Variants in GOLGA6C observed in about 807,000 individuals in gnomAD.
GOLGA6C encodes the protein golgin A6 family member C.
Under a neutral mutation model 57.5 loss-of-function variants are expected in GOLGA6C, and 3 were observed. That is an observed-to-expected ratio of 0.05 (90% CI 0.02 to 0.13). The LOEUF (loss-of-function observed/expected upper bound fraction) is 0.13. GOLGA6C is among the 10% of genes least tolerant of loss of function. The probability of loss-of-function intolerance (pLI) is 1.00; values close to 1 mark genes in which losing one functional copy is unlikely to be tolerated. For synonymous variants in GOLGA6C, 32 were observed against 203.8 expected (o/e 0.16, Z 7.18); for missense variants, 88 against 525.6 (o/e 0.17, Z 8.14).
Position 75,270,039 on chromosome 15 carries a change from T to G in GOLGA6C, c.1955-33T>G, listed in dbSNP as rs545753546. 1.9e-6 allele frequency: 3 copies of G among 1,601,316 alleles called. No homozygotes were observed. In the African/African-American group the frequency reaches 4.2e-5, roughly 22 times the overall value. The stretch of plus-strand genomic sequence containing the variant: ...AGGCAGGGGCAGGGGAGGCTCGCAC[T>G]GTGCTCAGACCCCCGCCTCCCTCTC... On this transcript the variant is annotated intron_variant, in intron 17 of 17. Coordinates refer to ENST00000300576, the MANE Select transcript of GOLGA6C (RefSeq NM_001164404.2).
Position 75,259,145 on chromosome 15 carries a change from G to A in GOLGA6C, c.84+463G>A, listed in dbSNP as rs1373237751. 1.3e-5 allele frequency among the ~76,000 whole-genome samples: 2 copies of A among 152,068 alleles called. 1 individual carries two copies. Among genetic ancestry groups the A allele is most frequent in the East Asian group, 3.8e-4 (2 of 5,204 alleles). ...CCGACCTCCCTGGGCTCTCTGGGCT[G>A]GCACCTCCAAGGACCTGGGTCCCAG... is the stretch of plus-strand genomic sequence containing the variant. On this transcript the variant is annotated intron_variant, in intron 1 of 17. Coordinates refer to ENST00000300576, the MANE Select transcript of GOLGA6C (RefSeq NM_001164404.2).
At chr15:75,259,519 G>A (rs2070725917) in intron 1 of GOLGA6C, among the ~76,000 whole-genome samples, 1 of 26,764 alleles carries the variant, frequency 3.7e-5, no homozygotes, top group African/African-American at 2.7e-4. Flanking sequence ...ATCTCTGGGT[G>A]GTAATGGGAG....
chr15:75,258,484 A>T lies in GOLGA6C; in HGVS notation c.-115A>T. On this transcript the variant is annotated 5_prime_UTR_variant, in exon 1 of 18. Coordinates refer to ENST00000300576, the MANE Select transcript of GOLGA6C (RefSeq NM_001164404.2). ...TTCCCTTTCATCTTTCTCATTGACCAATGGGATTGGAGCATTAAGGCCACA... is the reference window on the plus strand; with the variant it reads ...TTCCCTTTCATCTTTCTCATTGACCTATGGGATTGGAGCATTAAGGCCACA... The T allele has an allele frequency of 3.9e-6, 1 of 255,202 alleles. No homozygotes were observed. Among genetic ancestry groups the T allele is most frequent in the South Asian group, 2.6e-5 (1 of 38,992 alleles). The allele number at this position is 255,202 out of a possible 1,614,324, so 15.8% of individuals were successfully genotyped here. A position where few individuals can be genotyped will look rare whatever the true frequency, so the allele number is the denominator to read the frequency against.
intron 2 of GOLGA6C, 115 bp downstream of exon 2, chr15:75,260,607 A>T: frequency 1.1e-6 from 1 of 931,556 alleles, no homozygotes; most frequent in Non-Finnish European, 1.6e-6. Context: ...CTGCTTCTTC[A>T]TCTGCTAGCG....
chr15:75,269,811 G>A, intron 16 of GOLGA6C, 21 bp from the exon 17 acceptor site: 2 of 1,085,530 alleles, frequency 1.8e-6, no homozygotes, highest in South Asian at 1.6e-5. Flanking sequence ...CAGGGTGGGA[G>A]CTGAGCACCC....
chr15:75,259,015 C>A (rs2070721647), intron 1 of GOLGA6C, among the ~76,000 whole-genome samples: 2 of 147,854 alleles, frequency 1.4e-5, no homozygotes, highest in East Asian at 4.2e-4. Flanking sequence ...CTGGGTCCCC[C>A]AGCCCCAACC....
rs1305496005 is a variant in GOLGA6C at position 75,258,803 on chromosome 15, G to A, written c.84+121G>A. 1.7e-5 allele frequency: 13 copies of A among 754,718 alleles called. 1 individual carries two copies. The highest frequency in any genetic ancestry group is 1.1e-4 in the East Asian group (4 of 36,812). 46.8% of individuals were successfully genotyped at this position (754,718 alleles called of 1,614,324 possible). A position where few individuals can be genotyped will look rare whatever the true frequency, so the allele number is the denominator to read the frequency against. ...ACACCGGGCTGGGCCCCCCTACCCC[G>A]GCGCCTCTGGGCTCCCCCCACCAAA... On this transcript the variant is annotated intron_variant, in intron 1 of 17. Coordinates refer to ENST00000300576, the MANE Select transcript of GOLGA6C (RefSeq NM_001164404.2).
Position 75,265,150 on chromosome 15 carries a change from A to C in GOLGA6C, c.593A>C (p.Gln198Pro). The C allele has an allele frequency of 1.2e-6, 2 of 1,601,346 alleles. No individual in the cohort carries two copies. The highest frequency in any genetic ancestry group is 1.7e-6 in the Non-Finnish European group (2 of 1,177,150). ...TCGAGCTGCAGAGAAGCGGTCCTCCAGCGGCGGTTACAGCAGACCATAAAG... is the reference window on the plus strand; with the variant it reads ...TCGAGCTGCAGAGAAGCGGTCCTCCCGCGGCGGTTACAGCAGACCATAAAG... ...RSSSCREAVL[Q>P]RRLQQTIKER... Residue 198 changes from glutamine to proline, a missense_variant, in exon 8 of 18, where the codon CAG (glutamine) becomes CCG (proline). Gln to Pro is a moderately conservative substitution (Grantham distance 76, BLOSUM62 -1). Coordinates refer to ENST00000300576, the MANE Select transcript of GOLGA6C (RefSeq NM_001164404.2).
chr15:75,259,025 C>A (rs1247559887), intron 1 of GOLGA6C, among the ~76,000 whole-genome samples: 7 of 149,152 alleles, frequency 4.7e-5, no homozygotes, highest in South Asian at 2.1e-4. Flanking sequence ...CAGCCCCAAC[C>A]CCCCAGCATC....
At chr15:75,264,795 C>T (rs372600414) in intron 7 of GOLGA6C, among the ~76,000 whole-genome samples, 30 of 129,934 alleles carry the variant, frequency 2.3e-4, no homozygotes, top group East Asian at 2.1e-3. Flanking sequence ...TCCTAGTAAC[C>T]GTCTCATATG....
rs1397173941 is a variant in GOLGA6C at position 75,270,149 on chromosome 15, C to T, written c.2032C>T (p.Pro678Ser). Reference protein sequence around the residue: ...AAREGSPHDNPPVQQIVQLSP... With the variant: ...AAREGSPHDNSPVQQIVQLSP... The stretch of plus-strand genomic sequence containing the variant: ...CAGGGAGGGTTCTCCCCATGACAAC[C>T]CCCCGGTACAGCAGATCGTGCAGCT... The change falls in exon 18 of 18, where the codon CCC becomes TCC. Residue 678 changes from proline (P) to serine (S), a missense_variant. By Grantham distance (74) the Pro-to-Ser change is moderately conservative. Transcript: ENST00000300576. 2 of 1,592,682 alleles carry T rather than the reference C, an allele frequency of 1.3e-6. No individual in the cohort carries two copies. Among genetic ancestry groups the T allele is most frequent in the East Asian group, 2.4e-5 (1 of 41,660 alleles).
intron 4 of GOLGA6C, 99 bp downstream of exon 4, chr15:75,263,485 GAA>G (rs1409511544): frequency 6.6e-7 from 1 of 1,512,278 alleles, no homozygotes; most frequent in Non-Finnish European, 9.1e-7. Context: ...GCCTGGGGAA[GAA>G]GGCTCACCCA....
In GOLGA6C at chr15:75,272,543, A is replaced by G. The variant is rs1237374529; in HGVS notation, c.*2344A>G. Among the ~76,000 whole-genome samples, 6 of 152,030 alleles carry G rather than the reference A, an allele frequency of 3.9e-5. No individual in the cohort carries two copies. Among genetic ancestry groups the G allele is most frequent in the African/African-American group, 1.5e-4 (6 of 41,228 alleles). On this transcript the variant is annotated 3_prime_UTR_variant, in exon 18 of 18. Coordinates refer to ENST00000300576, the MANE Select transcript of GOLGA6C (RefSeq NM_001164404.2). ...ACTTTTACCCTGATAAATATAAATG[A>G]CTAGGAATGATCTTCAGCTAGCCTT...
At chr15:75,269,146 G>T (rs1407555893) in intron 14 of GOLGA6C, among the ~76,000 whole-genome samples, 1 of 143,508 alleles carries the variant, frequency 7.0e-6, no homozygotes, top group Non-Finnish European at 1.5e-5. Context: ...CCTTCAAGTG[G>T]CATTTTTCAA....
In GOLGA6C at chr15:75,258,812, G is replaced by A. The variant is rs2070719656; in HGVS notation, c.84+130G>A. 1.8e-5 allele frequency: 14 copies of A among 793,180 alleles called. No individual in the cohort carries two copies. In the South Asian group the frequency reaches 2.2e-4, roughly 12 times the overall value. 49.1% of individuals were successfully genotyped at this position (793,180 alleles called of 1,614,324 possible). A position where few individuals can be genotyped will look rare whatever the true frequency, so the allele number is the denominator to read the frequency against. ...TGGGCCCCCCTACCCCGGCGCCTCT[G>A]GGCTCCCCCCACCAAAGTCTTGTCA... On this transcript the variant is annotated intron_variant, in intron 1 of 17. Coordinates refer to ENST00000300576, the MANE Select transcript of GOLGA6C (RefSeq NM_001164404.2).
Position 75,258,582 on chromosome 15 carries a change from A to C in GOLGA6C, c.-17A>C. The C allele has an allele frequency of 1.9e-6, 1 of 525,582 alleles. No homozygotes were observed. Among genetic ancestry groups the C allele is most frequent in the Non-Finnish European group, 3.4e-6 (1 of 296,068 alleles). The allele number at this position is 525,582 out of a possible 1,614,324, so 32.6% of individuals were successfully genotyped here. A position where few individuals can be genotyped will look rare whatever the true frequency, so the allele number is the denominator to read the frequency against. On this transcript the variant is annotated 5_prime_UTR_variant, in exon 1 of 18. Coordinates refer to ENST00000300576, the MANE Select transcript of GOLGA6C (RefSeq NM_001164404.2). ...CAGTCACACAGCAGCCTTGTAGGTG[A>C]CTGGAGGTGTTCGCTGATGTGGCCC... is the stretch of plus-strand genomic sequence containing the variant.
rs1167749156 is a variant in GOLGA6C at position 75,270,245 on chromosome 15, C to G, written c.*46C>G. The G allele has an allele frequency of 7.6e-6, 12 of 1,577,826 alleles. 1 individual carries two copies. Among genetic ancestry groups the G allele is most frequent in the African/African-American group, 2.9e-5 (2 of 69,038 alleles). On this transcript the variant is annotated 3_prime_UTR_variant, in exon 18 of 18. Coordinates refer to ENST00000300576, the MANE Select transcript of GOLGA6C (RefSeq NM_001164404.2). ...CAAACCCTGCGTGCCATTCTTCTAC[C>G]AGGCAGCCGAGAACAGGGAGATAAA...
Position 75,272,857 on chromosome 15 carries a change from T to A in GOLGA6C, c.*2658T>A, listed in dbSNP as rs1167794241. 6.6e-6 allele frequency among the ~76,000 whole-genome samples: 1 copy of A among 152,006 alleles called. No individual in the cohort carries two copies. Among genetic ancestry groups the A allele is most frequent in the African/African-American group, 2.4e-5 (1 of 41,202 alleles). On this transcript the variant is annotated 3_prime_UTR_variant, in exon 18 of 18. Transcript: ENST00000300576. ...CATTCAGTTTAAGGCAGCTTTCAAT[T>A]TGCTTAGAAGGCAACATTAGAAGGG...
chr15:75,270,332 G>C lies in GOLGA6C; in HGVS notation c.*133G>C. ...AACAACAACAACAAAAAGTTACGGG[G>C]TTCATCTCCTACACAATTCATTTAC... On this transcript the variant is annotated 3_prime_UTR_variant, in exon 18 of 18. Coordinates refer to ENST00000300576, the MANE Select transcript of GOLGA6C (RefSeq NM_001164404.2). The C allele has an allele frequency of 7.0e-7, 1 of 1,430,512 alleles. No homozygotes were observed. Among genetic ancestry groups the C allele is most frequent in the Non-Finnish European group, 9.3e-7 (1 of 1,072,928 alleles). The allele number at this position is 1,430,512 out of a possible 1,614,324, so 88.6% of individuals were successfully genotyped here. A position where few individuals can be genotyped will look rare whatever the true frequency, so the allele number is the denominator to read the frequency against.
Sources: allele counts gnomAD v4.1 joint callset (sites outside exome capture counted in the v4.1 genomes callset), GRCh38; gene constraint gnomAD v4.1.1; transcripts MANE v1.5; gene names NCBI Gene and HGNC (gene_info 2026-07-23, HGNC 2026-07-21).